TENM2: variants seen among roughly 807,000 people sequenced by gnomAD.
TENM2 encodes the protein teneurin transmembrane protein 2, also known as teneurin-2.
TENM2 carries 52 observed loss-of-function variants against 245.2 expected under a neutral mutation model. That is an observed-to-expected ratio of 0.21 (90% CI 0.17 to 0.27). The LOEUF is 0.27. TENM2 is among the 10% of genes least tolerant of loss of function. The pLI, the probability that TENM2 is intolerant of heterozygous loss-of-function variation, is 1.00. For missense variants in TENM2, 3,046 were observed against 3,666.8 expected (o/e 0.83, Z 4.37); for synonymous variants, 1,363 against 1,438.9 (o/e 0.95, Z 1.19).
At chr5:168,144,304 ATCTC>A (rs1755842858) in intron 12 of TENM2, among the ~76,000 whole-genome samples, 1 of 151,958 alleles carries the variant, frequency 6.6e-6, no homozygotes. Context: ...AGCATTAGGT[ATCTC>A]TCCCGATGCT....
intron 2 of TENM2, among the ~76,000 whole-genome samples, chr5:167,779,120 C>T (rs1423034314): frequency 6.6e-6 from 1 of 152,206 alleles, no homozygotes; most frequent in Non-Finnish European, 1.5e-5. Flanking sequence ...ATTCTCAGCA[C>T]ACAACCTCTA....
At chr5:167,918,516 T>G (rs926422047) in intron 3 of TENM2, among the ~76,000 whole-genome samples, 1 of 152,212 alleles carries the variant, frequency 6.6e-6, no homozygotes, top group Non-Finnish European at 1.5e-5. Flanking sequence ...GCCCGCAGTT[T>G]GATTTTTGTC....
the TENM2 span, among the ~76,000 whole-genome samples, chr5:167,044,965 T>A: frequency 1.4e-3 from 206 of 152,018 alleles, 2 homozygotes; most frequent in East Asian, 0.015. Context: ...AGGAATAGGT[T>A]TGAGGAGGGA....
chr5:167,569,390 T>C (rs1369617106), intron 2 of TENM2, among the ~76,000 whole-genome samples: 4 of 152,122 alleles, frequency 2.6e-5, no homozygotes, highest in Non-Finnish European at 4.4e-5. Context: ...AATGTGAATA[T>C]TGTTCTCATT....
chr5:167,450,110 T>A (rs1582080649), intron 2 of TENM2, among the ~76,000 whole-genome samples: 1 of 152,200 alleles, frequency 6.6e-6, no homozygotes, highest in Non-Finnish European at 1.5e-5. Flanking sequence ...TTATATTCTT[T>A]CCCCTGTCTA....
intron 2 of TENM2, among the ~76,000 whole-genome samples, chr5:167,846,950 A>AATTGATTGATTG (rs35289134): frequency 1.3e-5 from 2 of 150,904 alleles, no homozygotes; most frequent in African/African-American, 4.9e-5. Flanking sequence ...AAGTCATTTC[A>AATTGATTGATTG]ATTGATTGAT....
the TENM2 span, among the ~76,000 whole-genome samples, chr5:167,074,016 T>G: frequency 2.0e-5 from 3 of 152,182 alleles, no homozygotes; most frequent in Admixed American, 6.5e-5. Context: ...GCTGTTTAGA[T>G]CTTGCTTTTA....
At chr5:167,670,952 G>A (rs997890476) in intron 2 of TENM2, among the ~76,000 whole-genome samples, 7 of 152,228 alleles carry the variant, frequency 4.6e-5, no homozygotes, top group Non-Finnish European at 1.0e-4. Flanking sequence ...TCCCAAGTAT[G>A]TAGTTTATGA....
intron 3 of TENM2, among the ~76,000 whole-genome samples, chr5:167,884,762 A>G (rs1774153343): frequency 6.6e-6 from 1 of 152,148 alleles, no homozygotes; most frequent in African/African-American, 2.4e-5. Context: ...CCTCTTTTGG[A>G]TGTATAACCA....
chr5:168,259,232 C>T (rs1467139049), intron 27 of TENM2, among the ~76,000 whole-genome samples: 1 of 152,078 alleles, frequency 6.6e-6, no homozygotes, highest in African/African-American at 2.4e-5. Context: ...TTGATGTTGG[C>T]CTGTGTGGCA....
intron 3 of TENM2, among the ~76,000 whole-genome samples, chr5:167,905,809 G>T (rs1776044706): frequency 6.6e-6 from 1 of 152,096 alleles, no homozygotes; most frequent in Admixed American, 6.5e-5. Context: ...TTTCAATAGA[G>T]GTGTCACAAT....
intron 3 of TENM2, among the ~76,000 whole-genome samples, chr5:167,891,176 A>G (rs1400783365): frequency 6.6e-6 from 1 of 152,244 alleles, no homozygotes; most frequent in Admixed American, 6.5e-5. Flanking sequence ...ATAGATAGGT[A>G]CCTCTAACCT....
intron 2 of TENM2, among the ~76,000 whole-genome samples, chr5:167,412,903 T>A (rs1581972156): frequency 6.7e-6 from 1 of 149,054 alleles, no homozygotes. Flanking sequence ...GTGACTTCAA[T>A]TTATGACAAA....
chr5:167,364,182 T>G (rs1271505500), intron 1 of TENM2, among the ~76,000 whole-genome samples: 1 of 152,082 alleles, frequency 6.6e-6, no homozygotes, highest in East Asian at 1.9e-4. Context: ...GAGACTTTTT[T>G]TATATTAAGA....
intron 7 of TENM2, among the ~76,000 whole-genome samples, chr5:168,081,437 T>G (rs191712216): frequency 5.9e-5 from 9 of 152,224 alleles, no homozygotes; most frequent in African/African-American, 1.9e-4. Flanking sequence ...TACATTTAAG[T>G]TTAATATTGT....
chr5:167,218,204 G>A, the TENM2 span, among the ~76,000 whole-genome samples: 2 of 151,932 alleles, frequency 1.3e-5, no homozygotes, highest in African/African-American at 2.4e-5. Context: ...ATCCTAATTA[G>A]GAGGTTATGC....
chr5:167,534,317 T>C (rs1218032784), intron 2 of TENM2, among the ~76,000 whole-genome samples: 2 of 152,140 alleles, frequency 1.3e-5, no homozygotes, highest in Non-Finnish European at 2.9e-5. Context: ...GAGACAAGAA[T>C]GCTCCCTTTG....
intron 3 of TENM2, among the ~76,000 whole-genome samples, chr5:167,905,981 A>G (rs1776057652): frequency 6.6e-6 from 1 of 152,230 alleles, no homozygotes; most frequent in Non-Finnish European, 1.5e-5. Context: ...CTAGTAAGGT[A>G]GCTTCAAATT....
the TENM2 span, among the ~76,000 whole-genome samples, chr5:167,173,206 T>C: frequency 1.3e-5 from 2 of 152,204 alleles, no homozygotes; most frequent in Non-Finnish European, 2.9e-5. Context: ...ACTGTGCTCT[T>C]TTTAAAACTA....
Sources: gnomAD v4.1 joint callset for allele counts (sites outside exome capture counted in the v4.1 genomes callset) on GRCh38, gnomAD v4.1.1 for gene constraint, MANE v1.5 for transcripts, NCBI Gene and HGNC (gene_info 2026-07-23, HGNC 2026-07-21) for gene names.